The following ADAMTS6 variants were observed in gnomAD, a reference collection of about 807,000 sequenced individuals.
The protein encoded by ADAMTS6 is ADAM metallopeptidase with thrombospondin type 1 motif 6.
In ADAMTS6, 23 loss-of-function variants were observed where a neutral mutation model predicts 144.3. The observed-to-expected ratio is 0.16, with a 90% CI of 0.11 to 0.23. The LOEUF is 0.23. Ranked by LOEUF, ADAMTS6 falls within the 10% of genes least tolerant of loss-of-function variation. The pLI is 1.00. For synonymous variants in ADAMTS6, 444 were observed against 457.5 expected (o/e 0.97, Z 0.38); for missense variants, 999 against 1,379.6 (o/e 0.72, Z 4.37).
chr5:65,438,874 C>T (rs1055804965), intron 7 of ADAMTS6, among the ~76,000 whole-genome samples: 2 of 152,186 alleles, frequency 1.3e-5, no homozygotes, highest in South Asian at 2.1e-4. Context: ...ATCAAACAAA[C>T]GAAAACACAA....
intron 15 of ADAMTS6, among the ~76,000 whole-genome samples, chr5:65,239,263 T>TAAA (rs397884878): frequency 0.25 from 35,274 of 142,644 alleles, 4,758 homozygotes; most frequent in African/African-American, 0.37. Flanking sequence ...ACTTAATGTA[T>TAAA]AAAAAAAAAA....
At chr5:65,348,792 T>C (rs1389847260) in intron 7 of ADAMTS6, among the ~76,000 whole-genome samples, 6 of 151,916 alleles carry the variant, frequency 3.9e-5, no homozygotes, top group African/African-American at 1.4e-4. Flanking sequence ...ATTAAAAAAA[T>C]TTTATAACTT....
intron 22 of ADAMTS6, among the ~76,000 whole-genome samples, 174 bp downstream of exon 22, chr5:65,187,842 A>G (rs565428390): frequency 4.0e-4 from 61 of 152,222 alleles, no homozygotes; most frequent in Non-Finnish European, 7.8e-4. Context: ...TCCCTTACCC[A>G]CCCAAAAACA....
At chr5:65,383,906 G>A (rs558881220) in intron 7 of ADAMTS6, among the ~76,000 whole-genome samples, 1 of 152,298 alleles carries the variant, frequency 6.6e-6, no homozygotes, top group East Asian at 1.9e-4. Context: ...GCACAGTCAT[G>A]AAGATGCTAC....
chr5:65,278,371 G>A (rs1008038663), intron 11 of ADAMTS6, among the ~76,000 whole-genome samples: 7 of 152,150 alleles, frequency 4.6e-5, no homozygotes, highest in African/African-American at 1.7e-4. Context: ...TAGATCAAAA[G>A]GCAGACCTAC....
intron 24 of ADAMTS6, among the ~76,000 whole-genome samples, chr5:65,161,185 G>A (rs189076753): frequency 3.7e-4 from 57 of 152,032 alleles, no homozygotes; most frequent in Admixed American, 2.3e-3. Flanking sequence ...CTACAGATGC[G>A]TGCCACCATA....
intron 11 of ADAMTS6, among the ~76,000 whole-genome samples, chr5:65,282,074 A>G (rs1763031432): frequency 6.6e-6 from 1 of 152,180 alleles, no homozygotes; most frequent in African/African-American, 2.4e-5. Context: ...CAGTATGTGA[A>G]GAGAAAATGG....
At chr5:65,241,617 G>A (rs1417048478) in intron 15 of ADAMTS6, among the ~76,000 whole-genome samples, 2 of 152,142 alleles carry the variant, frequency 1.3e-5, no homozygotes, top group African/African-American at 4.8e-5. Context: ...CCTGATACAT[G>A]CCCAAATTAA....
At chr5:65,357,447 A>G (rs1315732314) in intron 7 of ADAMTS6, among the ~76,000 whole-genome samples, 1 of 151,624 alleles carries the variant, frequency 6.6e-6, no homozygotes, top group African/African-American at 2.4e-5. Flanking sequence ...TTGCACCCCA[A>G]GGAACTAGAA....
At chr5:65,438,143 C>T (rs899396650) in intron 7 of ADAMTS6, among the ~76,000 whole-genome samples, 1 of 152,122 alleles carries the variant, frequency 6.6e-6, no homozygotes, top group Non-Finnish European at 1.5e-5. Context: ...ACCTATTTCC[C>T]AAGGTTTTAT....
At chr5:65,443,290 A>T (rs1758008340) in intron 7 of ADAMTS6, among the ~76,000 whole-genome samples, 1 of 152,140 alleles carries the variant, frequency 6.6e-6, no homozygotes, top group Non-Finnish European at 1.5e-5. Flanking sequence ...AAAGAATAAT[A>T]CATTGATGAC....
At chr5:65,401,568 C>T (rs1753918311) in intron 7 of ADAMTS6, among the ~76,000 whole-genome samples, 1 of 152,156 alleles carries the variant, frequency 6.6e-6, no homozygotes, top group Non-Finnish European at 1.5e-5. Flanking sequence ...ACTAGGTCCT[C>T]CTGGAGTTTT....
intron 7 of ADAMTS6, among the ~76,000 whole-genome samples, chr5:65,385,893 G>A (rs1752432036): frequency 6.6e-6 from 1 of 152,130 alleles, no homozygotes; most frequent in Admixed American, 6.5e-5. Context: ...GGTTCAATGT[G>A]GTCATTACAA....
chr5:65,426,667 T>C (rs1561531800), intron 7 of ADAMTS6, among the ~76,000 whole-genome samples: 1 of 151,966 alleles, frequency 6.6e-6, no homozygotes, highest in Non-Finnish European at 1.5e-5. Context: ...CTTGTAGATA[T>C]GAAAAAATTA....
chr5:65,433,996 G>T (rs992114331), intron 7 of ADAMTS6, among the ~76,000 whole-genome samples: 1 of 152,134 alleles, frequency 6.6e-6, no homozygotes, highest in African/African-American at 2.4e-5. Flanking sequence ...CTGAAAAGGA[G>T]AAACAACCCA....
chr5:65,380,801 T>C (rs972127667), intron 7 of ADAMTS6, among the ~76,000 whole-genome samples: 2 of 152,320 alleles, frequency 1.3e-5, no homozygotes, highest in African/African-American at 4.8e-5. Flanking sequence ...TTTGTAAGTT[T>C]TTTACTATTG....
At chr5:65,175,886 A>T (rs535056334) in intron 22 of ADAMTS6, among the ~76,000 whole-genome samples, 24 of 148,054 alleles carry the variant, frequency 1.6e-4, no homozygotes, top group African/African-American at 6.0e-4. Flanking sequence ...AAAAAAAAAA[A>T]CATCTATACC....
At chr5:65,398,842 AAGAAAG>A (rs1753661433) in intron 7 of ADAMTS6, among the ~76,000 whole-genome samples, 2 of 137,972 alleles carry the variant, frequency 1.4e-5, no homozygotes, top group South Asian at 4.5e-4. Flanking sequence ...GAAAGAAAGA[AAGAAAG>A]AAAAAGAAAG....
At chr5:65,393,896 TTG>T (rs1212569337) in intron 7 of ADAMTS6, among the ~76,000 whole-genome samples, 7 of 152,214 alleles carry the variant, frequency 4.6e-5, no homozygotes, top group Non-Finnish European at 8.8e-5. Flanking sequence ...TCTTGTTCAT[TTG>T]TGTCAGGAAA....
Sources: allele counts gnomAD v4.1 joint callset (sites outside exome capture counted in the v4.1 genomes callset), GRCh38; gene constraint gnomAD v4.1.1; transcripts MANE v1.5; gene names NCBI Gene and HGNC (gene_info 2026-07-23, HGNC 2026-07-21).